Variants in SEMA3E observed in about 807,000 individuals in gnomAD.
SEMA3E encodes semaphorin-3E.
In SEMA3E, 49 loss-of-function variants were observed where a neutral mutation model predicts 93.6. The observed-to-expected ratio is 0.52, with a 90% CI of 0.42 to 0.66. The LOEUF is 0.66. Ranked by LOEUF, SEMA3E falls within the 30% of genes least tolerant of loss-of-function variation. SEMA3E has a pLI of 0.00. For synonymous variants in SEMA3E, 363 were observed against 330.7 expected, an observed-to-expected ratio of 1.10 and a Z score of -1.06; for missense variants, 906 against 964.8, an observed-to-expected ratio of 0.94 and a Z score of 0.81.
intron 1 of SEMA3E, among the ~76,000 whole-genome samples, chr7:83,573,751 G>A (rs1792338370): frequency 6.6e-6 from 1 of 151,778 alleles, no homozygotes; most frequent in African/African-American, 2.4e-5. Flanking sequence ...ACATGTAGAC[G>A]ATTCATGGTA....
At chr7:83,639,141 CAG>C (rs1219789673) in intron 1 of SEMA3E, among the ~76,000 whole-genome samples, 4 of 63,048 alleles carry the variant, frequency 6.3e-5, no homozygotes, top group African/African-American at 2.3e-4. Context: ...AAAAAAAAAA[CAG>C]AGATTCCTGA....
intron 1 of SEMA3E, among the ~76,000 whole-genome samples, chr7:83,619,337 A>G (rs2115621529): frequency 6.6e-6 from 1 of 152,004 alleles, no homozygotes; most frequent in Non-Finnish European, 1.5e-5. Context: ...GTCCACTAAC[A>G]ATATTTGGAA....
intron 16 of SEMA3E, among the ~76,000 whole-genome samples, chr7:83,380,865 T>C (rs1475952986): frequency 1.3e-5 from 2 of 151,960 alleles, no homozygotes; most frequent in Non-Finnish European, 2.9e-5. Flanking sequence ...AGGTCCAAAA[T>C]AGTATTCCAT....
intron 1 of SEMA3E, among the ~76,000 whole-genome samples, chr7:83,593,280 C>T (rs1178336937): frequency 9.2e-6 from 1 of 109,196 alleles, no homozygotes; most frequent in African/African-American, 4.4e-5. Flanking sequence ...CTCTCTCTCT[C>T]TCTCTGTGTG....
intron 1 of SEMA3E, among the ~76,000 whole-genome samples, chr7:83,518,576 A>G (rs1790981590): frequency 6.6e-6 from 1 of 152,174 alleles, no homozygotes; most frequent in African/African-American, 2.4e-5. Flanking sequence ...TCCATACAAT[A>G]AAGATGATAG....
intron 1 of SEMA3E, among the ~76,000 whole-genome samples, chr7:83,590,084 A>G (rs2115941752): frequency 6.6e-6 from 1 of 152,280 alleles, no homozygotes; most frequent in African/African-American, 2.4e-5. Flanking sequence ...TGTATACTAC[A>G]TTGCTAGGAA....
At chr7:83,587,962 T>A (rs1246158623) in intron 1 of SEMA3E, among the ~76,000 whole-genome samples, 2 of 152,138 alleles carry the variant, frequency 1.3e-5, no homozygotes, top group African/African-American at 4.8e-5. Flanking sequence ...ATTAATTTGC[T>A]TATTATGTAT....
intron 1 of SEMA3E, among the ~76,000 whole-genome samples, chr7:83,535,977 C>T (rs1791404652): frequency 6.6e-6 from 1 of 152,044 alleles, no homozygotes; most frequent in African/African-American, 2.4e-5. Flanking sequence ...AATCAAACTT[C>T]CCCAAGTGGC....
intron 2 of SEMA3E, among the ~76,000 whole-genome samples, chr7:83,486,562 C>G (rs539760702): frequency 1.8e-4 from 27 of 152,250 alleles, no homozygotes; most frequent in African/African-American, 5.3e-4. Context: ...TAAGCTCACT[C>G]TTTTAAGCAG....
intron 9 of SEMA3E, 144 bp from the exon 10 acceptor site, chr7:83,402,920 T>A: frequency 1.3e-6 from 1 of 748,028 alleles, no homozygotes; most frequent in Non-Finnish European, 2.2e-6. Flanking sequence ...CTAGGTATGT[T>A]AATTATTGCA....
At chr7:83,471,479 G>T (rs752802179) in intron 2 of SEMA3E, among the ~76,000 whole-genome samples, 1 of 151,922 alleles carries the variant, frequency 6.6e-6, no homozygotes, top group African/African-American at 2.4e-5. Flanking sequence ...TTGGCAGGTC[G>T]GGTAAATGCC....
intron 10 of SEMA3E, among the ~76,000 whole-genome samples, chr7:83,401,758 G>A (rs914286214): frequency 6.6e-6 from 1 of 152,056 alleles, no homozygotes; most frequent in Non-Finnish European, 1.5e-5. Context: ...TGACTTGCAA[G>A]TAATCGTGGA....
At chr7:83,568,531 C>T (rs75801402) in intron 1 of SEMA3E, among the ~76,000 whole-genome samples, 18,823 of 152,108 alleles carry the variant, frequency 0.12, 1,340 homozygotes, top group East Asian at 0.19. Context: ...ACACCATGAT[C>T]AAACATGATT....
intron 1 of SEMA3E, among the ~76,000 whole-genome samples, chr7:83,507,358 A>T (rs1790722929): frequency 6.6e-6 from 1 of 151,560 alleles, no homozygotes; most frequent in Non-Finnish European, 1.5e-5. Flanking sequence ...CATTAAAGTG[A>T]TGATATAATT....
chr7:83,591,220 C>T (rs1232700561), intron 1 of SEMA3E, among the ~76,000 whole-genome samples: 2 of 151,360 alleles, frequency 1.3e-5, no homozygotes, highest in Admixed American at 6.6e-5. Context: ...TATAAACACA[C>T]TCTCAGAATT....
At chr7:83,634,383 G>GT (rs1009869647) in intron 1 of SEMA3E, among the ~76,000 whole-genome samples, 3 of 151,686 alleles carry the variant, frequency 2.0e-5, no homozygotes, top group Non-Finnish European at 2.9e-5. Flanking sequence ...AGATAATTCA[G>GT]TTTTTTTTCT....
At chr7:83,404,261 CTT>C (rs748462580) in intron 9 of SEMA3E, among the ~76,000 whole-genome samples, 3 of 151,910 alleles carry the variant, frequency 2.0e-5, no homozygotes, top group Non-Finnish European at 2.9e-5. Flanking sequence ...GAAAAGGTCT[CTT>C]TGCAACAGCA....
intron 1 of SEMA3E, among the ~76,000 whole-genome samples, chr7:83,584,056 A>G (rs1290089153): frequency 6.6e-6 from 1 of 152,174 alleles, no homozygotes. Context: ...TTCTTGTTTT[A>G]TCCAGTTGAG....
intron 4 of SEMA3E, among the ~76,000 whole-genome samples, chr7:83,457,608 A>C (rs1789513056): frequency 6.6e-6 from 1 of 152,176 alleles, no homozygotes; most frequent in African/African-American, 2.4e-5. Flanking sequence ...TTGCAACAAC[A>C]GTGTTAAATA....
Sources: allele counts gnomAD v4.1 joint callset (sites outside exome capture counted in the v4.1 genomes callset), GRCh38; gene constraint gnomAD v4.1.1; transcripts MANE v1.5; gene names NCBI Gene and HGNC (gene_info 2026-07-23, HGNC 2026-07-21).